The following LGALS8 variants were observed in gnomAD, a reference collection of about 807,000 sequenced individuals.
LGALS8 encodes galectin 8.
LGALS8 carries 30 observed loss-of-function variants against 35.9 expected under a neutral mutation model. The observed-to-expected ratio is 0.83, with a 90% CI of 0.62 to 1.13. The LOEUF (loss-of-function observed/expected upper bound fraction) is 1.13, where lower values mean the gene tolerates loss of function less well. Among genes scored for constraint, LGALS8 ranks in the 50% most tolerant of loss-of-function variants. LGALS8 has a pLI of 0.00. For missense variants in LGALS8, 366 were observed against 388.7 expected (o/e 0.94, Z 0.49); for synonymous variants, 138 against 136.1 (o/e 1.01, Z -0.10).
At chr1:236,521,770 G>T (rs1020691351), upstream of LGALS8, among the ~76,000 whole-genome samples, 1 of 151,712 alleles carries the variant, frequency 6.6e-6, no homozygotes. Flanking sequence ...AGAGGCTGCA[G>T]TGAGCTGAGA....
intron 2 of LGALS8, among the ~76,000 whole-genome samples, chr1:236,534,524 C>G (rs888900767): frequency 6.6e-6 from 1 of 151,258 alleles, no homozygotes; most frequent in Non-Finnish European, 1.5e-5. Context: ...GCCTAGAAAA[C>G]AATGTATGTC....
intron 2 of LGALS8, among the ~76,000 whole-genome samples, chr1:236,535,537 TA>T (rs1661435404): frequency 6.6e-6 from 1 of 152,252 alleles, no homozygotes; most frequent in South Asian, 2.1e-4. Context: ...TTTGATGTTA[TA>T]AAAACTTCTC....
chr1:236,539,143 G>A (rs1333754015), intron 4 of LGALS8, 54 bp downstream of exon 4: 2 of 1,415,898 alleles, frequency 1.4e-6, no homozygotes, highest in East Asian at 2.3e-5. Context: ...GGAGTGCACA[G>A]GGGTGCTTTT....
chr1:236,546,388 A>G (rs1019826484), intron 9 of LGALS8, among the ~76,000 whole-genome samples: 4 of 152,228 alleles, frequency 2.6e-5, no homozygotes, highest in African/African-American at 9.6e-5. Flanking sequence ...ATATGCTTGC[A>G]TTGAGATTAT....
chr1:236,528,886 G>A (rs1660982416), intron 2 of LGALS8, among the ~76,000 whole-genome samples: 1 of 152,162 alleles, frequency 6.6e-6, no homozygotes. Context: ...TCTTGGAAAA[G>A]ATGAAGTAAA....
chr1:236,541,696 A>G lies in LGALS8; in HGVS notation c.508A>G (p.Ile170Val), dbSNP rs775638029. ...TQASSLELTE[I>V]SRENVPKSGT... ...AGCATCTAGTCTGGAACTGACAGAG[A>G]TAAGTAGAGAAAATGTAAATATTAA... The change falls in exon 6 of 10, where the codon ATA becomes GTA. Residue 170 changes from isoleucine (I) to valine (V), a missense_variant. Coordinates refer to ENST00000366584, the MANE Select transcript of LGALS8 (RefSeq NM_201544.4). 16 of 1,509,876 alleles carry G rather than the reference A, an allele frequency of 1.1e-5. No homozygotes were observed. Among genetic ancestry groups the G allele is most frequent in the Middle Eastern group, 2.0e-4 (1 of 5,126 alleles). 93.5% of individuals were successfully genotyped at this position (1,509,876 alleles called of 1,614,324 possible).
chr1:236,549,642 G>A lies in LGALS8; in HGVS notation c.*1481G>A, dbSNP rs999950625. On this transcript the variant is annotated 3_prime_UTR_variant, in exon 10 of 10. Coordinates refer to ENST00000366584, the MANE Select transcript of LGALS8 (RefSeq NM_201544.4). The stretch of plus-strand genomic sequence containing the variant: ...CAAAGACACTGGTTGGGGGTGGAGG[G>A]TGCCACAGGGAAAGCTGTAGAAGGC... The A allele has an allele frequency of 3.6e-4, 55 of 152,196 alleles. No individual in the cohort carries two copies. Among genetic ancestry groups the A allele is most frequent in the African/African-American group, 1.3e-3 (55 of 41,490 alleles). The allele number at this position is 152,196 out of a possible 1,614,324, so 9.4% of individuals were successfully genotyped here.
At chr1:236,519,890 T>C (rs907957520), upstream of LGALS8, among the ~76,000 whole-genome samples, 1 of 151,510 alleles carries the variant, frequency 6.6e-6, no homozygotes, top group Non-Finnish European at 1.5e-5. Context: ...ATAAGCAGCA[T>C]TTTTTTAAAA....
intron 9 of LGALS8, 52 bp from the exon 10 acceptor site, chr1:236,547,960 C>T: frequency 6.5e-7 from 1 of 1,538,444 alleles, no homozygotes; most frequent in Non-Finnish European, 8.9e-7. Flanking sequence ...GTAACAAACA[C>T]AAAATTTTAA....
chr1:236,540,515 C>G (rs773459992), intron 4 of LGALS8, 49 bp from the exon 5 acceptor site: 3 of 1,449,954 alleles, frequency 2.1e-6, no homozygotes, highest in African/African-American at 3.2e-5. Flanking sequence ...AATTTATTAA[C>G]TGTTTTTTTT....
rs1396950160 is a variant in LGALS8 at position 236,541,662 on chromosome 1, A to G, written c.474A>G (p.Gln158=). 4.6e-6 allele frequency: 7 copies of G among 1,507,882 alleles called. No individual in the cohort carries two copies. In the Admixed American group the frequency reaches 7.9e-5, roughly 17 times the overall value. 93.4% of individuals were successfully genotyped at this position (1,507,882 alleles called of 1,614,324 possible). ...TTATTATCTTTTCTCAGGACTTACA[A>G]AGTACCCAAGCATCTAGTCTGGAAC... ...SIGFSFSSDL[Q]STQASSLELT... The change falls in exon 6 of 10, where the codon CAA becomes CAG. Residue 158 remains glutamine, a synonymous_variant. Transcript: ENST00000366584.
chr1:236,544,891 A>G lies in LGALS8; in HGVS notation c.780A>G (p.Pro260=). ...AAGAGAGAAATATTACCTCTTTCCC[A>G]TTTAGTCCTGGGATGTACTTTGAGG... ...GEEERNITSF[P]FSPGMYFEMI... Residue 260 remains proline, a synonymous_variant, in exon 9 of 10, where the codon CCA becomes CCG. Coordinates refer to ENST00000366584, the MANE Select transcript of LGALS8 (RefSeq NM_201544.4). 6.2e-7 allele frequency: 1 copy of G among 1,612,610 alleles called. No individual in the cohort carries two copies. The highest frequency in any genetic ancestry group is 8.5e-7 in the Non-Finnish European group (1 of 1,179,384).
chr1:236,547,214 C>G (rs924715268), intron 9 of LGALS8, among the ~76,000 whole-genome samples: 1 of 152,138 alleles, frequency 6.6e-6, no homozygotes, highest in East Asian at 1.9e-4. Context: ...GGAAACCCAG[C>G]CTGGCACTGG....
At chr1:236,545,195 G>T (rs1238780425) in intron 9 of LGALS8, 2 of 245,494 alleles carry the variant, frequency 8.1e-6, no homozygotes, top group Non-Finnish European at 1.6e-5. Flanking sequence ...CAGGAAGCTT[G>T]TCTCAGGACT....
chr1:236,542,474 T>G (rs1390290270), intron 6 of LGALS8: 1 of 475,794 alleles, frequency 2.1e-6, no homozygotes, highest in African/African-American at 1.9e-5. Context: ...AGTAAGACCC[T>G]GTCTCTTAAA....
intron 3 of LGALS8, 111 bp downstream of exon 3, chr1:236,537,696 GC>G (rs906470391): frequency 1.0e-5 from 8 of 769,790 alleles, no homozygotes; most frequent in Non-Finnish European, 1.8e-5. Context: ...GGCCCAATTA[GC>G]TTTCATCAGC....
rs149668742 is a variant in LGALS8, at chr1:236,537,306, C to T, written c.46-191C>T. Among the ~76,000 whole-genome samples, 942 of 152,208 alleles carry T rather than the reference C, an allele frequency of 6.2e-3. 4 individuals are homozygous for T. Among genetic ancestry groups the T allele is most frequent in the African/African-American group, 0.022 (899 of 41,512 alleles). On this transcript the variant is annotated intron_variant, in intron 2 of 9. Transcript: ENST00000366584. ...CTGGGATTACAGGCGTGAGCCACCG[C>T]GCCCGGCCGCAGTTCCTTTTTCTAG... is the stretch of plus-strand genomic sequence containing the variant.
At position 236,551,959 on chromosome 1, in the gene LGALS8, T is replaced by C. The variant is rs1190279633; in HGVS notation, c.*3798T>C. On this transcript the variant is annotated 3_prime_UTR_variant, in exon 10 of 10. Transcript: ENST00000366584. Reference sequence around the variant, plus strand: ...TTTTCACAGAATTTTACTGAATTATTCCTTAATTGTTTAATGGTTGGGAAT... The same window carrying C: ...TTTTCACAGAATTTTACTGAATTATCCCTTAATTGTTTAATGGTTGGGAAT... The C allele has an allele frequency of 6.9e-6, 9 of 1,300,576 alleles. No homozygotes were observed. Among genetic ancestry groups the C allele is most frequent in the Non-Finnish European group, 1.0e-5 (9 of 898,486 alleles). 80.6% of individuals were successfully genotyped at this position (1,300,576 alleles called of 1,614,324 possible). A position where few individuals can be genotyped will look rare whatever the true frequency, so the allele number is the denominator to read the frequency against.
chr1:236,540,742 GA>G (rs752666126), intron 5 of LGALS8, 59 bp downstream of exon 5: 1 of 1,483,918 alleles, frequency 6.7e-7, no homozygotes, highest in African/African-American at 1.4e-5. Context: ...TGAGATGGTA[GA>G]AAAAATCTTC....
Sources: gnomAD v4.1 joint callset for allele counts (sites outside exome capture counted in the v4.1 genomes callset) on GRCh38, gnomAD v4.1.1 for gene constraint, MANE v1.5 for transcripts, NCBI Gene and HGNC (gene_info 2026-07-23, HGNC 2026-07-21) for gene names.